The following NEB variants were observed in gnomAD, a reference collection of about 807,000 sequenced individuals.
NEB encodes the protein nebulin.
A neutral mutation model predicts 952.2 loss-of-function variants in NEB; 512 were observed. The ratio of observed to expected loss-of-function variants is 0.54; its 90% confidence interval spans 0.50 to 0.58. The LOEUF (loss-of-function observed/expected upper bound fraction) is 0.58, where lower values mean the gene tolerates loss of function less well. Among genes scored for constraint, NEB ranks in the 20% least tolerant of loss-of-function variants. The pLI is 0.00. For synonymous variants in NEB, 2,900 were observed against 3,149.8 expected (o/e 0.92, Z 2.66); for missense variants, 8,428 against 9,231.1 (o/e 0.91, Z 3.56).
Position 151,650,190 on chromosome 2 carries a change from T to G in NEB, c.7417A>C (p.Lys2473Gln). 6.2e-7 allele frequency: 1 copy of G among 1,613,870 alleles called. No homozygotes were observed. Among genetic ancestry groups the G allele is most frequent in the South Asian group, 1.1e-5 (1 of 91,084 alleles). The part of the protein sequence containing the change: ...MDIVLAKTNA[K>Q]NRSDRLYREA... ...GTGCTACTCACATCACTCCTATTTT[T>G]GGCATTTGTCTTTGCCAGAACTATA... Residue 2473 changes from lysine (K) to glutamine (Q), a missense_variant, in exon 54 of 182, where the codon AAA becomes CAA. Coordinates refer to ENST00000397345, the MANE Select transcript of NEB (RefSeq NM_001164508.2).
intron 146 of NEB, among the ~76,000 whole-genome samples, chr2:151,528,528 CA>C (rs1349484289): frequency 6.6e-6 from 1 of 152,214 alleles, no homozygotes; most frequent in Non-Finnish European, 1.5e-5. Context: ...CGTCTGCCCT[CA>C]ATCCATCCTC....
At position 151,540,726 on chromosome 2, in the gene NEB, C is replaced by T. The variant is rs1052306867; in HGVS notation, c.20758G>A (p.Ala6920Thr). 1 of 1,613,630 alleles carries T rather than the reference C, an allele frequency of 6.2e-7. No individual in the cohort carries two copies. Among genetic ancestry groups the T allele is most frequent in the South Asian group, 1.1e-5 (1 of 91,070 alleles). ...CTGACCATGTCCTTCACGTCTTTAG[C>T]ATGCTTCAAGGCTGTGGTCTGGTTT... The part of the protein sequence containing the change: ...AGNQTTALKH[A>T]KDVKDMVSEK... The change falls in exon 137 of 182, where the codon GCT (alanine) becomes ACT (threonine). Residue 6920 changes from alanine (A) to threonine (T), a missense_variant. Physicochemically the swap from Ala to Thr is moderately conservative, Grantham distance 58 (BLOSUM62 0). Around this residue, in one of 11 missense-constraint regions of NEB, gnomAD observed 3,374 missense variants for 3,651.5 expected, o/e 0.92. Transcript: ENST00000397345.
chr2:151,682,734 T>C lies in NEB; in HGVS notation c.2871A>G (p.Lys957=). The part of the protein sequence containing the change: ...EYKADYNSWM[K]GCGWVPFGSL... Reference sequence around the variant, plus strand: ...ACCCAAAAGGCACCCAGCCACAACCTTTCATCCAGCTATTGTAGTCAGCTT... The same window carrying C: ...ACCCAAAAGGCACCCAGCCACAACCCTTCATCCAGCTATTGTAGTCAGCTT... Residue 957 remains lysine, a synonymous_variant, in exon 29 of 182, where the codon AAA becomes AAG. Coordinates refer to ENST00000397345, the MANE Select transcript of NEB (RefSeq NM_001164508.2). 1 of 1,613,432 alleles carries C rather than the reference T, an allele frequency of 6.2e-7. No individual in the cohort carries two copies. The highest frequency in any genetic ancestry group is 8.5e-7 in the Non-Finnish European group (1 of 1,179,556).
At chr2:151,610,736 T>C in intron 79 of NEB, 26 bp downstream of exon 79, 1 of 1,594,864 alleles carries the variant, frequency 6.3e-7, no homozygotes. Flanking sequence ...ATCTTAGGTT[T>C]AAGCAACAAT....
chr2:151,498,084 T>TGAA (rs2061538690), intron 170 of NEB, 176 bp downstream of exon 170: 1 of 1,469,752 alleles, frequency 6.8e-7, no homozygotes, highest in Non-Finnish European at 9.0e-7. Context: ...AAATATCAGA[T>TGAA]GAAGTAAAAA....
intron 135 of NEB, among the ~76,000 whole-genome samples, chr2:151,544,188 T>C (rs1478458683): frequency 6.6e-6 from 1 of 152,250 alleles, no homozygotes; most frequent in African/African-American, 2.4e-5. Context: ...TCAGTGCTGA[T>C]GCACAACTTG....
intron 10 of NEB, among the ~76,000 whole-genome samples, chr2:151,712,030 C>A (rs942171590): frequency 1.3e-5 from 2 of 151,862 alleles, no homozygotes; most frequent in African/African-American, 4.8e-5. Flanking sequence ...TGTTTCTCAT[C>A]TTTTTTTTGG....
intron 78 of NEB, 133 bp downstream of exon 78, chr2:151,612,053 T>C: frequency 1.1e-6 from 1 of 888,448 alleles, no homozygotes; most frequent in South Asian, 1.7e-5. Flanking sequence ...AAGCAGATGC[T>C]CTGTTAAAGG....
chr2:151,514,071 TAAATC>T (rs1399985184), intron 159 of NEB, among the ~76,000 whole-genome samples: 3 of 152,058 alleles, frequency 2.0e-5, no homozygotes, highest in East Asian at 1.9e-4. Context: ...TATATCAAGT[TAAATC>T]AAATAATATT....
At chr2:151,492,668 C>T (rs1039171225) in intron 176 of NEB, 174 bp from the exon 177 acceptor site, 33 of 413,612 alleles carry the variant, frequency 8.0e-5, no homozygotes, top group African/African-American at 4.9e-4. Flanking sequence ...CAGAAGGGCC[C>T]GCCAGTGGAA....
chr2:151,621,952 AG>A (rs2098424493), intron 71 of NEB, among the ~76,000 whole-genome samples: 1 of 152,166 alleles, frequency 6.6e-6, no homozygotes, highest in Non-Finnish European at 1.5e-5. Context: ...TTGATTACAA[AG>A]TTTTGATGGG....
At chr2:151,671,515 G>T (rs2099291530) in intron 37 of NEB, 4 of 326,052 alleles carry the variant, frequency 1.2e-5, no homozygotes, top group Non-Finnish European at 2.3e-5. Context: ...TATAATGGTT[G>T]TTTATCTTAA....
At chr2:151,561,572 CT>C (rs376827489) in intron 121 of NEB, among the ~76,000 whole-genome samples, 250 of 133,632 alleles carry the variant, frequency 1.9e-3, no homozygotes, top group Non-Finnish European at 2.0e-3. Flanking sequence ...CAGCCCCTCA[CT>C]TTTTTTTTTT....
intron 41 of NEB, 105 bp from the exon 42 acceptor site, chr2:151,665,644 G>T: frequency 1.0e-6 from 1 of 984,748 alleles, no homozygotes; most frequent in Non-Finnish European, 1.4e-6. Flanking sequence ...AGCTGGGAGG[G>T]GGAGAATAAT....
chr2:151,677,829 G>C, intron 33 of NEB, 47 bp downstream of exon 33: 1 of 1,608,576 alleles, frequency 6.2e-7, no homozygotes, highest in Non-Finnish European at 8.5e-7. Flanking sequence ...TTCATGGCAG[G>C]CTCTGAACTT....
intron 37 of NEB, chr2:151,671,497 G>C (rs532854253): frequency 5.3e-6 from 2 of 374,136 alleles, no homozygotes; most frequent in African/African-American, 4.1e-5. Context: ...CAATAAATTG[G>C]TACTTTCTAT....
intron 176 of NEB, 64 bp downstream of exon 176, chr2:151,493,289 T>C: frequency 7.9e-7 from 1 of 1,269,092 alleles, no homozygotes; most frequent in Non-Finnish European, 1.1e-6. Flanking sequence ...AAGGCGTGTT[T>C]TTATGATGTT....
At chr2:151,506,609 CAAAAGAAATCACAATGTCA>C (rs572490312) in intron 163 of NEB, among the ~76,000 whole-genome samples, 1 of 152,214 alleles carries the variant, frequency 6.6e-6, no homozygotes, top group Non-Finnish European at 1.5e-5. Context: ...GGAGGGATAA[CAAAAGAAATCACAATGTCA>C]AAAAGAAATC....
intron 29 of NEB, among the ~76,000 whole-genome samples, chr2:151,681,856 A>G (rs1240543421): frequency 6.6e-6 from 1 of 152,186 alleles, no homozygotes; most frequent in East Asian, 1.9e-4. Context: ...GACATATGGA[A>G]TAATTCTTCA....
Sources: gnomAD v4.1 joint callset for allele counts (sites outside exome capture counted in the v4.1 genomes callset) on GRCh38, gnomAD v4.1.1 for gene constraint, gnomAD v4.1.1 regional missense constraint, MANE v1.5 for transcripts, NCBI Gene and HGNC (gene_info 2026-07-23, HGNC 2026-07-21) for gene names.